The following SZT2 variants were observed in gnomAD, a reference collection of about 807,000 sequenced individuals.
The protein encoded by SZT2 is SZT2 subunit of KICSTOR complex, also known as KICSTOR complex protein SZT2.
In SZT2, 216 loss-of-function variants were observed where a neutral mutation model predicts 404.2. The observed-to-expected ratio is 0.53, with a 90% CI of 0.48 to 0.60. The LOEUF (loss-of-function observed/expected upper bound fraction) is 0.60, where lower values mean the gene tolerates loss of function less well. Among genes scored for constraint, SZT2 ranks in the 20% least tolerant of loss-of-function variants. SZT2 has a pLI of 0.00. For missense variants in SZT2, 3,857 were observed against 4,459.2 expected (o/e 0.86, Z 3.85); for synonymous variants, 1,693 against 1,749.9 (o/e 0.97, Z 0.81).
intron 29 of SZT2, 34 bp from the exon 30 acceptor site, chr1:43,429,977 T>C: frequency 6.2e-7 from 1 of 1,612,790 alleles, no homozygotes; most frequent in South Asian, 1.1e-5. Flanking sequence ...GAGGGGTGAC[T>C]GACATTCTAA....
In SZT2 at chr1:43,424,164, C is replaced by G; in HGVS notation, c.2256-53C>G. The G allele has an allele frequency of 2.0e-6, 3 of 1,480,558 alleles. No homozygotes were observed. The highest frequency in any genetic ancestry group is 2.8e-6 in the Non-Finnish European group (3 of 1,090,496). 91.7% of individuals were successfully genotyped at this position (1,480,558 alleles called of 1,614,324 possible). ...TGAGTGGTACAGAGGTGTGGAAGGG[C>G]GTGGCTTAGCCGGGGATGAGAGAGA... On this transcript the variant is annotated intron_variant, in intron 15 of 71. Transcript: ENST00000634258. The surrounding 1 kb of genome is among the most constrained non-coding windows in gnomAD (Gnocchi z 4.1).
Position 43,420,458 on chromosome 1 carries a change from C to A in SZT2, c.1261+135C>A. The A allele has an allele frequency of 1.7e-6, 2 of 1,206,734 alleles. No individual in the cohort carries two copies. Among genetic ancestry groups the A allele is most frequent in the Non-Finnish European group, 2.2e-6 (2 of 889,994 alleles). The allele number at this position is 1,206,734 out of a possible 1,614,324, so 74.8% of individuals were successfully genotyped here. A position where few individuals can be genotyped will look rare whatever the true frequency, so the allele number is the denominator to read the frequency against. ...CTTGAGACAGTGGGTTTTGAATTGT[C>A]ATCAGGGCTTAATTCTCTTAGCATG... On this transcript the variant is annotated intron_variant, in intron 9 of 71. Coordinates refer to ENST00000634258, the MANE Select transcript of SZT2 (RefSeq NM_001365999.1). This position sits in a 1 kb window ranked among gnomAD's most constrained non-coding sequence, Gnocchi z 5.1.
chr1:43,445,862 C>T, intron 62 of SZT2, 32 bp from the exon 63 acceptor site: 1 of 1,604,134 alleles, frequency 6.2e-7, no homozygotes, highest in Non-Finnish European at 8.5e-7. Flanking sequence ...ACTAGCCTGC[C>T]TCATCCTCTT....
intron 4 of SZT2, among the ~76,000 whole-genome samples, chr1:43,414,127 C>A (rs1651414603): frequency 6.6e-6 from 1 of 152,004 alleles, no homozygotes; most frequent in Non-Finnish European, 1.5e-5. Flanking sequence ...ACTAAAAATA[C>A]AAAAATTACC....
chr1:43,425,788 C>T lies in SZT2; in HGVS notation c.2815-47C>T, dbSNP rs771771855. The T allele has an allele frequency of 6.2e-7, 1 of 1,600,798 alleles. No individual in the cohort carries two copies. Among genetic ancestry groups the T allele is most frequent in the South Asian group, 1.1e-5 (1 of 90,800 alleles). On this transcript the variant is annotated intron_variant, in intron 19 of 71. Transcript: ENST00000634258. This position sits in a 1 kb window ranked among gnomAD's most constrained non-coding sequence, Gnocchi z 4.3. ...CTGAAGAGCTGGAACCCAGGGTATC[C>T]TGGGCTAAGAGGGGTTGACTCCTGA...
intron 1 of SZT2, among the ~76,000 whole-genome samples, chr1:43,390,631 A>G (rs1212301904): frequency 6.6e-6 from 1 of 152,242 alleles, no homozygotes; most frequent in African/African-American, 2.4e-5. Context: ...ATGCTAAGGA[A>G]CATGCAAGGA....
intron 28 of SZT2, 101 bp from the exon 29 acceptor site, chr1:43,429,602 G>A (rs1653609928): frequency 4.8e-6 from 7 of 1,467,754 alleles, no homozygotes; most frequent in African/African-American, 1.4e-5. Context: ...TACTCTTCCT[G>A]TGGACAAAAA....
chr1:43,422,651 C>T lies in SZT2; in HGVS notation c.1922+19C>T, dbSNP rs972175387. The T allele has an allele frequency of 6.7e-7, 1 of 1,502,700 alleles. No individual in the cohort carries two copies. The highest frequency in any genetic ancestry group is 8.8e-7 in the Non-Finnish European group (1 of 1,131,264). The allele number at this position is 1,502,700 out of a possible 1,614,324, so 93.1% of individuals were successfully genotyped here. ...TCTCCAGGTGGGCAAAGTGATGTCC[C>T]TTCACCCCCCGCCCCCCCACCCCCC... On this transcript the variant is annotated intron_variant, in intron 13 of 71. Coordinates refer to ENST00000634258, the MANE Select transcript of SZT2 (RefSeq NM_001365999.1).
chr1:43,449,903 C>T (rs1455425935), intron 70 of SZT2, 200 bp from the exon 71 acceptor site: 2 of 645,382 alleles, frequency 3.1e-6, no homozygotes, highest in East Asian at 2.8e-5. Flanking sequence ...CATTCTGATG[C>T]AGCTCAGACA....
In SZT2 at chr1:43,425,105, G is replaced by T; in HGVS notation, c.2551-8G>T. ...GGATTTGCCCAAGATCTCCCATTTT[G>T]CCCACAGAATGAACCACCAGGGCAG... On this transcript the variant is annotated splice_region_variant and splice_polypyrimidine_tract_variant and intron_variant, in intron 17 of 71. Coordinates refer to ENST00000634258, the MANE Select transcript of SZT2 (RefSeq NM_001365999.1). This position sits in a 1 kb window ranked among gnomAD's most constrained non-coding sequence, Gnocchi z 4.3. The T allele has an allele frequency of 6.2e-7, 1 of 1,614,110 alleles. No individual in the cohort carries two copies.
chr1:43,430,863 T>G, intron 32 of SZT2, 74 bp downstream of exon 32: 1 of 1,581,052 alleles, frequency 6.3e-7, no homozygotes, highest in Non-Finnish European at 8.6e-7. Flanking sequence ...GAGGGGAGCC[T>G]AGGGTTATGT....
rs1557512972 is a variant in SZT2 at position 43,403,756 on chromosome 1, C to T, written c.309C>T (p.Ser103=). The part of the protein sequence containing the change: ...QYRFVIELDL[S]PSTGIVDDST... ...GGTTTGTCATTGAGTTGGACCTTAG[C>T]CCATCTACTGGCATTGTGGTAAAGG... The change falls in exon 3 of 72, where the codon AGC becomes AGT. Residue 103 remains serine, a synonymous_variant. Transcript: ENST00000634258. 1 of 1,614,024 alleles carries T rather than the reference C, an allele frequency of 6.2e-7. No homozygotes were observed. Among genetic ancestry groups the T allele is most frequent in the Non-Finnish European group, 8.5e-7 (1 of 1,180,014 alleles).
At chr1:43,415,911 GGCA>G (rs1171721147) in intron 5 of SZT2, 46 bp from the exon 6 acceptor site, 2 of 1,560,458 alleles carry the variant, frequency 1.3e-6, no homozygotes, top group Non-Finnish European at 1.7e-6. Context: ...CTATGGATGG[GGCA>G]GCAATGCCAT....
At position 43,426,993 on chromosome 1, in the gene SZT2, G is replaced by A; in HGVS notation, c.3310-63G>A. ...TAAGATGAGTCAGCTCTAGGGTGGA[G>A]GAGGGGAACAGGGGTTGGACATTCC... On this transcript the variant is annotated intron_variant, in intron 23 of 71. Transcript: ENST00000634258. This position sits in a 1 kb window ranked among gnomAD's most constrained non-coding sequence, Gnocchi z 4.9. 1.2e-6 allele frequency: 2 copies of A among 1,602,340 alleles called. No individual in the cohort carries two copies. The highest frequency in any genetic ancestry group is 1.7e-6 in the Non-Finnish European group (2 of 1,172,114).
At chr1:43,417,993 T>A (rs1465488600) in intron 7 of SZT2, among the ~76,000 whole-genome samples, 1 of 152,164 alleles carries the variant, frequency 6.6e-6, no homozygotes, top group Non-Finnish European at 1.5e-5. Flanking sequence ...CTCACAATGG[T>A]AACTACACTG....
intron 66 of SZT2, 36 bp from the exon 67 acceptor site, chr1:43,447,509 C>A (rs1655819930): frequency 6.2e-7 from 1 of 1,607,164 alleles, no homozygotes. Context: ...CTGTCCTAGG[C>A]TTAGTGTCTG....
intron 36 of SZT2, 95 bp from the exon 37 acceptor site, chr1:43,432,177 C>T: frequency 7.5e-7 from 1 of 1,339,660 alleles, no homozygotes; most frequent in Non-Finnish European, 1.0e-6. Flanking sequence ...ATCTGCTTTA[C>T]CAGGTAGTTA....
At chr1:43,422,367 T>C (rs1394753485) in intron 12 of SZT2, 113 bp from the exon 13 acceptor site, 1 of 1,488,744 alleles carries the variant, frequency 6.7e-7, no homozygotes, top group East Asian at 2.3e-5. Context: ...GCCTCCCTGC[T>C]CTTCAGTCCC....
At position 43,439,103 on chromosome 1, in the gene SZT2, C is replaced by T. The variant is rs978393805; in HGVS notation, c.6792+10C>T. ...CCGGAACCACTTCCAAGTGAGATGGCACTCATCTCTCTCCACACTCATGTG... is the reference window on the plus strand; with the variant it reads ...CCGGAACCACTTCCAAGTGAGATGGTACTCATCTCTCTCCACACTCATGTG... On this transcript the variant is annotated intron_variant, in intron 48 of 71. Transcript: ENST00000634258. This position sits in a 1 kb window ranked among gnomAD's most constrained non-coding sequence, Gnocchi z 4.2. 1 of 1,614,044 alleles carries T rather than the reference C, an allele frequency of 6.2e-7. No individual in the cohort carries two copies. The highest frequency in any genetic ancestry group is 8.5e-7 in the Non-Finnish European group (1 of 1,179,970).
Sources: gnomAD v4.1 joint callset for allele counts (sites outside exome capture counted in the v4.1 genomes callset) on GRCh38, gnomAD v4.1.1 for gene constraint, Gnocchi (gnomAD v3.1) non-coding constraint, MANE v1.5 for transcripts, NCBI Gene and HGNC (gene_info 2026-07-23, HGNC 2026-07-21) for gene names.